The following PAICS variants were observed in gnomAD, a reference collection of about 807,000 sequenced individuals.
PAICS encodes the protein bifunctional phosphoribosylaminoimidazole carboxylase/phosphoribosylaminoimidazole succinocarboxamide synthetase.
A neutral mutation model predicts 53.7 loss-of-function variants in PAICS; 33 were observed. The observed-to-expected ratio is 0.61, with a 90% CI of 0.47 to 0.82. The LOEUF (loss-of-function observed/expected upper bound fraction) is 0.82. PAICS is among the 40% of genes least tolerant of loss of function. The pLI, the probability that PAICS is intolerant of heterozygous loss-of-function variation, is 0.00. For synonymous variants in PAICS, 141 were observed against 167.2 expected (o/e 0.84, Z 1.21); for missense variants, 394 against 494.1 (o/e 0.80, Z 1.92).
upstream of PAICS, chr4:56,436,110 G>T: frequency 4.1e-6 from 6 of 1,477,068 alleles, no homozygotes; most frequent in Non-Finnish European, 5.4e-6. Context: ...AGCCAGTGGG[G>T]CGTTGTTTCG....
At position 56,445,916 on chromosome 4, in the gene PAICS, A is replaced by T. The variant is rs76972393; in HGVS notation, c.215-779A>T. The stretch of plus-strand genomic sequence containing the variant: ...CACTTCCAGGAGAGGCAATACAGCA[A>T]AGTGGTTAAGTGGGCGGCTCCTAGA... On this transcript the variant is annotated intron_variant, in intron 2 of 8. Transcript: ENST00000512576. Among the ~76,000 whole-genome samples, 583 of 152,294 alleles carry T rather than the reference A, an allele frequency of 3.8e-3. 5 individuals carry two copies. The highest frequency in any genetic ancestry group is 0.013 in the African/African-American group (535 of 41,572).
Position 56,448,650 on chromosome 4 carries a change from T to C in PAICS, c.573+53T>C. On this transcript the variant is annotated intron_variant, in intron 4 of 8. Transcript: ENST00000512576. ...CAACAGGATTTGAAAGTAAAGGTTA[T>C]AGTTGAGAGATGCTTTCATAAAATA... 4 of 1,515,448 alleles carry C rather than the reference T, an allele frequency of 2.6e-6. No individual in the cohort carries two copies. In the South Asian group the frequency reaches 3.5e-5, roughly 13 times the overall value. 93.9% of individuals were successfully genotyped at this position (1,515,448 alleles called of 1,614,324 possible).
At chr4:56,411,565 T>C in the PAICS span, among the ~76,000 whole-genome samples, 1 of 152,148 alleles carries the variant, frequency 6.6e-6, no homozygotes, top group African/African-American at 2.4e-5. Flanking sequence ...TCATTGTCTG[T>C]GGAAGCATTA....
At chr4:56,421,833 A>AT in the PAICS span, 1 of 99,944 alleles carries the variant, frequency 1.0e-5, no homozygotes, top group Non-Finnish European at 2.1e-5. Flanking sequence ...TGATTCCATT[A>AT]GTTATGTCAG....
chr4:56,436,591 G>A, intron 1 of PAICS: 1 of 693,952 alleles, frequency 1.4e-6, no homozygotes, highest in Non-Finnish European at 2.6e-6. Flanking sequence ...ATAATCAATA[G>A]CTATTGCAAA....
the PAICS span, among the ~76,000 whole-genome samples, chr4:56,424,313 C>A: frequency 2.0e-5 from 3 of 151,778 alleles, no homozygotes; most frequent in African/African-American, 7.2e-5. Flanking sequence ...AGGTTTTGAT[C>A]TAGCAGGTTG....
Position 56,446,714 on chromosome 4 carries a change from C to T in PAICS, c.234C>T (p.Thr78=), listed in dbSNP as rs1578152213. ...ATGTAGGTATTAAAACTGCCTTCAC[C>T]AGAAAATGTGGGGAGACAGCTTTCA... is the stretch of plus-strand genomic sequence containing the variant. The part of the protein sequence containing the change: ...LQEAGIKTAF[T]RKCGETAFIA... Residue 78 remains threonine, a synonymous_variant, in exon 3 of 9, where the codon ACC becomes ACT. Transcript: ENST00000512576. 1.3e-6 allele frequency: 2 copies of T among 1,598,784 alleles called. No individual in the cohort carries two copies. Among genetic ancestry groups the T allele is most frequent in the African/African-American group, 2.7e-5 (2 of 74,736 alleles).
the PAICS span, chr4:56,410,914 A>AG: frequency 1.0e-6 from 1 of 977,760 alleles, no homozygotes; most frequent in Non-Finnish European, 1.2e-6. Flanking sequence ...AAAAAAAAAA[A>AG]AAAAAAAAAA....
intron 7 of PAICS, among the ~76,000 whole-genome samples, chr4:56,453,158 T>C (rs1018462144): frequency 3.3e-5 from 5 of 152,336 alleles, no homozygotes; most frequent in African/African-American, 1.2e-4. Context: ...AATTAAACTT[T>C]CCTTCAACTC....
chr4:56,430,174 C>A, the PAICS span, among the ~76,000 whole-genome samples: 3 of 152,110 alleles, frequency 2.0e-5, no homozygotes, highest in Non-Finnish European at 4.4e-5. Context: ...CAGCTGTTTC[C>A]AGATTGGGGC....
chr4:56,438,667 G>T (rs1306767221), intron 1 of PAICS, among the ~76,000 whole-genome samples: 1 of 151,992 alleles, frequency 6.6e-6, no homozygotes, highest in East Asian at 1.9e-4. Context: ...TCAAACTCCT[G>T]ACCTCAAGTG....
Position 56,461,649 on chromosome 4 carries a change from T to C in PAICS, c.*2111T>C, listed in dbSNP as rs890978219. On this transcript the variant is annotated 3_prime_UTR_variant, in exon 9 of 9. Transcript: ENST00000512576. ...AGCTGCAGCCTCTCGAGTAGCTGGGTGCATGTGCTACCACACCCAATTATG... is the reference window on the plus strand; with the variant it reads ...AGCTGCAGCCTCTCGAGTAGCTGGGCGCATGTGCTACCACACCCAATTATG... 6.6e-6 allele frequency: 1 copy of C among 152,036 alleles called. No individual in the cohort carries two copies. The highest frequency in any genetic ancestry group is 6.6e-5 in the Admixed American group (1 of 15,244). 9.4% of individuals were successfully genotyped at this position (152,036 alleles called of 1,614,324 possible).
chr4:56,435,552 C>T, upstream of PAICS: 1 of 1,605,586 alleles, frequency 6.2e-7, no homozygotes, highest in East Asian at 2.2e-5. Context: ...CCAGCTCGGC[C>T]CGTCGAGCTC....
the PAICS span, chr4:56,422,720 A>T: frequency 6.6e-6 from 1 of 152,150 alleles, no homozygotes; most frequent in Non-Finnish European, 1.5e-5. Context: ...ATATATTAAT[A>T]GACGCTACCA....
chr4:56,411,974 C>T, the PAICS span, among the ~76,000 whole-genome samples: 1 of 152,164 alleles, frequency 6.6e-6, no homozygotes, highest in African/African-American at 2.4e-5. Context: ...GAAAGCTTTG[C>T]AGTTATTACC....
At chr4:56,429,168 G>T in the PAICS span, among the ~76,000 whole-genome samples, 2 of 152,140 alleles carry the variant, frequency 1.3e-5, no homozygotes, top group South Asian at 4.1e-4. Flanking sequence ...TTATTTCATA[G>T]CTCACTGAGT....
upstream of PAICS, chr4:56,431,496 A>G: frequency 1.0e-6 from 1 of 980,254 alleles, no homozygotes; most frequent in Non-Finnish European, 1.2e-6. Context: ...GTAATAACAG[A>G]ACCAAAAGAT....
At position 56,446,850 on chromosome 4, in the gene PAICS, C is replaced by T. The variant is rs913575905; in HGVS notation, c.370C>T (p.Pro124Ser). Residue 124 changes from proline (P) to serine (S), a missense_variant, in exon 3 of 9, where the codon CCT (proline) becomes TCT (serine). By Grantham distance (74) the Pro-to-Ser change is moderately conservative (BLOSUM62 -1). Around this residue, in one of 3 missense-constraint regions of PAICS, gnomAD observed 168 missense variants for 199.3 expected, o/e 0.84. Coordinates refer to ENST00000512576, the MANE Select transcript of PAICS (RefSeq NM_001079524.2). ...GVKEGYKFYPPKVELFFKDDA... is the reference protein window; with the variant it reads ...GVKEGYKFYPSKVELFFKDDA... ...CAAGGAAGGATATAAGTTTTACCCA[C>T]CTAAAGTGGAGTTGTTTTTCAAGGT... 8.7e-6 allele frequency: 14 copies of T among 1,606,432 alleles called. No homozygotes were observed. Among genetic ancestry groups the T allele is most frequent in the African/African-American group, 2.7e-5 (2 of 74,588 alleles).
At chr4:56,436,091 G>T (rs1489188199), upstream of PAICS, 8 of 1,477,530 alleles carry the variant, frequency 5.4e-6, no homozygotes, top group Non-Finnish European at 7.1e-6. Context: ...CTGCGCCTGC[G>T]CGGCGGGAAG....
Sources: allele counts gnomAD v4.1 joint callset (sites outside exome capture counted in the v4.1 genomes callset), GRCh38; gene constraint gnomAD v4.1.1; regional missense constraint gnomAD v4.1.1; transcripts MANE v1.5; gene names NCBI Gene and HGNC (gene_info 2026-07-23, HGNC 2026-07-21).